KANK1: variants seen among roughly 807,000 people sequenced by gnomAD.
KANK1 encodes the protein KN motif and ankyrin repeat domain-containing protein 1.
KANK1 carries 109 observed loss-of-function variants against 106.2 expected under a neutral mutation model. The observed-to-expected ratio is 1.03, with a 90% CI of 0.88 to 1.20. The LOEUF (loss-of-function observed/expected upper bound fraction) is 1.20, where lower values mean the gene tolerates loss of function less well. Ranked by LOEUF, KANK1 falls within the 50% of genes most tolerant of loss-of-function variation. KANK1 has a pLI of 0.00. For missense variants in KANK1, 2,399 were observed against 1,710.7 expected, an observed-to-expected ratio of 1.40 and a Z score of -7.10; for synonymous variants, 873 against 652.2, an observed-to-expected ratio of 1.34 and a Z score of -5.16.
chr9:649,361 C>T (rs538343990), intron 1 of KANK1, among the ~76,000 whole-genome samples: 1 of 152,226 alleles, frequency 6.6e-6, no homozygotes, highest in South Asian at 2.1e-4. Context: ...CCAATTTGGA[C>T]CTCACCTTAT....
intron 1 of KANK1, among the ~76,000 whole-genome samples, chr9:626,563 A>G (rs1834398479): frequency 6.6e-6 from 1 of 152,228 alleles, no homozygotes; most frequent in Non-Finnish European, 1.5e-5. Flanking sequence ...AGGAGGCTGT[A>G]CATAAATCAA....
At chr9:741,185 C>T (rs1024172117) in intron 9 of KANK1, among the ~76,000 whole-genome samples, 3 of 152,198 alleles carry the variant, frequency 2.0e-5, no homozygotes, top group African/African-American at 7.2e-5. Context: ...GCATAGTTTG[C>T]ATGGAAATAC....
chr9:728,374 T>C (rs1831311708), intron 3 of KANK1, among the ~76,000 whole-genome samples: 1 of 152,128 alleles, frequency 6.6e-6, no homozygotes, highest in Non-Finnish European at 1.5e-5. Flanking sequence ...ATTTTTGTAT[T>C]TTTAGTAGAG....
chr9:685,271 T>C (rs756915763), intron 2 of KANK1, among the ~76,000 whole-genome samples: 8 of 152,218 alleles, frequency 5.3e-5, no homozygotes, highest in Non-Finnish European at 1.2e-4. Context: ...CGATGAGTTA[T>C]CTCACCACTT....
intron 1 of KANK1, among the ~76,000 whole-genome samples, chr9:570,957 A>G (rs946851399): frequency 2.0e-5 from 3 of 152,134 alleles, no homozygotes; most frequent in African/African-American, 7.2e-5. Flanking sequence ...TCATTTTCTT[A>G]CTGTATATTA....
At chr9:679,113 G>A (rs1816995328) in intron 2 of KANK1, among the ~76,000 whole-genome samples, 2 of 152,122 alleles carry the variant, frequency 1.3e-5, no homozygotes, top group African/African-American at 4.8e-5. Context: ...GGGCATTGAG[G>A]TTGAAGGCAA....
At chr9:630,015 A>C (rs1240276653) in intron 1 of KANK1, among the ~76,000 whole-genome samples, 1 of 151,582 alleles carries the variant, frequency 6.6e-6, no homozygotes. Flanking sequence ...TGGGAGGCTG[A>C]GAAAGGCCGA....
chr9:715,190 T>C (rs1450586349), intron 3 of KANK1, among the ~76,000 whole-genome samples: 8 of 152,198 alleles, frequency 5.3e-5, no homozygotes, highest in African/African-American at 1.4e-4. Flanking sequence ...TTTTTGCCTT[T>C]TAGAATCCAA....
intron 3 of KANK1, among the ~76,000 whole-genome samples, chr9:494,283 A>G (rs540805775): frequency 4.3e-4 from 65 of 152,342 alleles, no homozygotes; most frequent in Non-Finnish European, 8.4e-4. Context: ...GATCCTTGGT[A>G]GTTTACAAGC....
At chr9:561,919 C>A (rs1816553125) in intron 1 of KANK1, among the ~76,000 whole-genome samples, 1 of 152,030 alleles carries the variant, frequency 6.6e-6, no homozygotes, top group Non-Finnish European at 1.5e-5. Context: ...AGGCTCATGG[C>A]AGGCAACAAC....
At chr9:742,583 AAACT>A (rs1835940942) in intron 10 of KANK1, among the ~76,000 whole-genome samples, 178 bp downstream of exon 10, 1 of 152,196 alleles carries the variant, frequency 6.6e-6, no homozygotes. Context: ...GTGTGTGTGC[AAACT>A]AACACGCTCA....
intron 3 of KANK1, among the ~76,000 whole-genome samples, chr9:718,653 C>T (rs1259054068): frequency 6.6e-6 from 1 of 152,052 alleles, no homozygotes; most frequent in African/African-American, 2.4e-5. Context: ...TCCATGGCCT[C>T]CTGTGTCAAA....
chr9:569,007 T>C (rs560625242), intron 1 of KANK1, among the ~76,000 whole-genome samples: 89 of 152,288 alleles, frequency 5.8e-4, no homozygotes, highest in African/African-American at 2.0e-3. Context: ...GGAATGGCTC[T>C]GGTGCTCTTC....
chr9:490,417 A>C (rs2058358954), intron 3 of KANK1, among the ~76,000 whole-genome samples: 3 of 152,192 alleles, frequency 2.0e-5, no homozygotes, highest in Admixed American at 6.5e-5. Flanking sequence ...GCTGAGGTGG[A>C]AGAATTGCTT....
rs201213496 is a variant in KANK1 at position 712,357 on chromosome 9, A to G, written c.1591A>G (p.Met531Val). ...CAGAGACCAAATGGTCGGCAGTCACATGGACCTGGTGGACACGTGTGTTGG... is the reference window on the plus strand; with the variant it reads ...CAGAGACCAAATGGTCGGCAGTCACGTGGACCTGGTGGACACGTGTGTTGG... ...QTRDQMVGSHMDLVDTCVGTS... is the reference protein window; with the variant it reads ...QTRDQMVGSHVDLVDTCVGTS... The change falls in exon 3 of 12, where the codon ATG (methionine) becomes GTG (valine). Residue 531 changes from methionine (M) to valine (V), a missense_variant. By Grantham distance (21) the Met-to-Val change is conservative. Coordinates refer to ENST00000382297, the MANE Select transcript of KANK1 (RefSeq NM_015158.5). 8.1e-6 allele frequency: 13 copies of G among 1,614,206 alleles called. No individual in the cohort carries two copies. The Admixed American group carries it at 1.5e-4, about 19-fold the overall frequency.
At chr9:598,931 C>T (rs1232762538) in intron 1 of KANK1, among the ~76,000 whole-genome samples, 2 of 149,182 alleles carry the variant, frequency 1.3e-5, no homozygotes, top group African/African-American at 5.0e-5. Context: ...CATGCCCGGC[C>T]ATCCCTAGGT....
chr9:641,611 C>T (rs1161472550), intron 1 of KANK1, among the ~76,000 whole-genome samples: 1 of 152,164 alleles, frequency 6.6e-6, no homozygotes, highest in Admixed American at 6.5e-5. Context: ...ATCCTAACTG[C>T]AAGGAAGCGT....
intron 3 of KANK1, among the ~76,000 whole-genome samples, chr9:479,623 C>G (rs2058167786): frequency 6.6e-6 from 1 of 152,128 alleles, no homozygotes; most frequent in Non-Finnish European, 1.5e-5. Flanking sequence ...TTGCAAGGGA[C>G]AAAACTTTTC....
intron 1 of KANK1, among the ~76,000 whole-genome samples, chr9:642,381 G>A (rs1380264318): frequency 6.6e-6 from 1 of 150,836 alleles, no homozygotes; most frequent in African/African-American, 2.5e-5. Context: ...TTAAAAAGTC[G>A]ACATTATTTT....
Sources: gnomAD v4.1 joint callset for allele counts (sites outside exome capture counted in the v4.1 genomes callset) on GRCh38, gnomAD v4.1.1 for gene constraint, MANE v1.5 for transcripts, NCBI Gene and HGNC (gene_info 2026-07-23, HGNC 2026-07-21) for gene names.